Variants in ESR2 observed in about 807,000 individuals in gnomAD.
The protein encoded by ESR2 is estrogen receptor beta.
In ESR2, 36 loss-of-function variants were observed where a neutral mutation model predicts 49.6. The ratio of observed to expected loss-of-function variants is 0.73; its 90% CI spans 0.56 to 0.96. ESR2 has a LOEUF of 0.96. Ranked by LOEUF, ESR2 falls within the 40% of genes least tolerant of loss-of-function variation. The pLI is 0.00. For synonymous variants in ESR2, 320 were observed against 266.1 expected (o/e 1.20, Z -1.97); for missense variants, 714 against 693.0 (o/e 1.03, Z -0.34).
intron 5 of ESR2, 115 bp from the exon 6 acceptor site, chr14:64,257,479 T>A (rs2076127368): frequency 7.6e-7 from 1 of 1,318,540 alleles, no homozygotes; most frequent in Non-Finnish European, 1.0e-6. Context: ...CATTAGGGAG[T>A]TGATATTTTA....
rs544803655 is a variant in ESR2, at chr14:64,266,894, C to T, written c.652+1901G>A. Among the ~76,000 whole-genome samples, 39 of 152,248 alleles carry T rather than the reference C, an allele frequency of 2.6e-4. 1 individual carries two copies. The highest frequency in any genetic ancestry group is 1.2e-3 in the South Asian group (6 of 4,822). On this transcript the variant is annotated intron_variant, in intron 4 of 8. Transcript: ENST00000341099. ...TTTCAACTAAACTTCCTCCTCCCCC[C>T]GCCCCCAGACAGAGTCTCACTCTGT...
At chr14:64,227,590 G>C (rs146994281), downstream of ESR2, 1 of 1,614,116 alleles carries the variant, frequency 6.2e-7, no homozygotes. Context: ...CAAATGAGGT[G>C]AGTGTTTGAG....
In ESR2 at chr14:64,309,483, C is replaced by A. The variant is rs1299056072; in HGVS notation, c.-90-26408G>T. Among the ~76,000 whole-genome samples, 4 of 151,484 alleles carry A rather than the reference C, an allele frequency of 2.6e-5. No homozygotes were observed. The East Asian group carries it at 7.7e-4, about 29-fold the overall frequency. ...AAAAAAGTATTGTATTGGTGGCAGG[C>A]GCCTGTAATCCCAGCTACTCTGGAG... On this transcript the variant is annotated intron_variant, in intron 1 of 8. Coordinates refer to the ESR2 transcript ENST00000358599.
intron 7 of ESR2, among the ~76,000 whole-genome samples, chr14:64,244,139 C>T (rs1022833812): frequency 6.6e-6 from 1 of 152,178 alleles, no homozygotes; most frequent in African/African-American, 2.4e-5. Context: ...TGGCTCACAC[C>T]TGTAATCCCT....
intron 1 of ESR2, among the ~76,000 whole-genome samples, chr14:64,317,146 G>T (rs936187901): frequency 2.0e-5 from 3 of 152,090 alleles, no homozygotes; most frequent in African/African-American, 7.2e-5. Context: ...CACACCTGTA[G>T]TTCCAGCTAC....
chr14:64,269,161 AAG>A (rs2076389650), intron 3 of ESR2, among the ~76,000 whole-genome samples: 1 of 152,236 alleles, frequency 6.6e-6, no homozygotes, highest in Admixed American at 6.5e-5. Context: ...GAATTCTCAA[AAG>A]AGAGATATAA....
chr14:64,310,238 A>C (rs1678555305), intron 1 of ESR2, among the ~76,000 whole-genome samples: 1 of 151,498 alleles, frequency 6.6e-6, no homozygotes, highest in Non-Finnish European at 1.5e-5. Flanking sequence ...GCGCCACTGC[A>C]TTCCAGCCTG....
chr14:64,288,104 C>T (rs2076810548), intron 1 of ESR2, among the ~76,000 whole-genome samples: 2 of 151,980 alleles, frequency 1.3e-5, no homozygotes, highest in African/African-American at 4.8e-5. Context: ...CCAGAGACCT[C>T]TCTCTCTCTC....
chr14:64,262,556 T>C (rs2076244587), intron 4 of ESR2, among the ~76,000 whole-genome samples: 1 of 151,968 alleles, frequency 6.6e-6, no homozygotes, highest in Non-Finnish European at 1.5e-5. Flanking sequence ...CTCAAATTAA[T>C]CAAGAACACG....
chr14:64,241,210 G>A (rs938161150), intron 7 of ESR2, among the ~76,000 whole-genome samples: 1 of 151,386 alleles, frequency 6.6e-6, no homozygotes, highest in African/African-American at 2.4e-5. Context: ...TAGGTTAGGT[G>A]TGTTAAGTAT....
chr14:64,333,797 C>T (rs1021054187), intron 1 of ESR2, among the ~76,000 whole-genome samples: 1 of 152,138 alleles, frequency 6.6e-6, no homozygotes, highest in Non-Finnish European at 1.5e-5. Flanking sequence ...ATGGGAGCTA[C>T]AATTCAAGAT....
intron 1 of ESR2, among the ~76,000 whole-genome samples, chr14:64,305,532 G>A (rs531131139): frequency 1.1e-4 from 17 of 151,818 alleles, no homozygotes; most frequent in African/African-American, 2.4e-4. Context: ...TTAGGCGGGC[G>A]TGGTAGCGGA....
chr14:64,274,917 CT>C (rs2076526785), intron 3 of ESR2, among the ~76,000 whole-genome samples: 1 of 152,168 alleles, frequency 6.6e-6, no homozygotes, highest in Admixed American at 6.5e-5. Flanking sequence ...TTCCAAAATT[CT>C]TTATTGATTT....
At chr14:64,305,889 G>C (rs2077090202) in intron 1 of ESR2, among the ~76,000 whole-genome samples, 1 of 151,838 alleles carries the variant, frequency 6.6e-6, no homozygotes, top group South Asian at 2.1e-4. Context: ...GCTAACTCCT[G>C]AATAACTCTG....
At chr14:64,277,533 G>A (rs570469920) in intron 3 of ESR2, among the ~76,000 whole-genome samples, 3 of 150,434 alleles carry the variant, frequency 2.0e-5, no homozygotes, top group South Asian at 2.1e-4. Context: ...TCTGAGGCAG[G>A]AGAATGGTGT....
intron 1 of ESR2, among the ~76,000 whole-genome samples, chr14:64,326,603 AT>A (rs1299943785): frequency 2.0e-5 from 3 of 152,068 alleles, no homozygotes; most frequent in African/African-American, 7.2e-5. Flanking sequence ...GAATGCTCAA[AT>A]TGGGTGCTTT....
chr14:64,260,270 G>A lies in ESR2; in HGVS notation c.952+179C>T, dbSNP rs2076185621. 12 of 779,876 alleles carry A rather than the reference G, an allele frequency of 1.5e-5. 1 individual carries two copies. Among genetic ancestry groups the A allele is most frequent in the South Asian group, 1.1e-4 (8 of 72,950 alleles). 48.3% of individuals were successfully genotyped at this position (779,876 alleles called of 1,614,324 possible). On this transcript the variant is annotated intron_variant, in intron 5 of 8. Coordinates refer to ENST00000341099, the MANE Select transcript of ESR2 (RefSeq NM_001437.3). ...AAATCAGAACACGGCCTTGTTGAAG[G>A]TAGGTATGCCAAGACAGAAGGAAGG...
chr14:64,279,877 T>C, intron 3 of ESR2, 104 bp downstream of exon 3: 1 of 906,842 alleles, frequency 1.1e-6, no homozygotes. Flanking sequence ...AAATACTTTG[T>C]GTGCCAAACA....
At chr14:64,237,641 C>T (rs1278037543) in intron 7 of ESR2, among the ~76,000 whole-genome samples, 1 of 152,186 alleles carries the variant, frequency 6.6e-6, no homozygotes, top group Non-Finnish European at 1.5e-5. Flanking sequence ...AGTGGAATGT[C>T]CACTAACTGA....
Sources: allele counts gnomAD v4.1 joint callset (sites outside exome capture counted in the v4.1 genomes callset), GRCh38; gene constraint gnomAD v4.1.1; transcripts MANE v1.5; gene names NCBI Gene and HGNC (gene_info 2026-07-23, HGNC 2026-07-21).